PRAG1: variants seen among roughly 807,000 people sequenced by gnomAD.
PRAG1 encodes PEAK1 related, kinase-activating pseudokinase 1, also known as inactive tyrosine-protein kinase PRAG1.
A neutral mutation model predicts 95.6 loss-of-function variants in PRAG1; 110 were observed. That is an observed-to-expected ratio of 1.15 (90% CI 0.99 to 1.35). The LOEUF is 1.35. Ranked by LOEUF, PRAG1 falls within the 40% of genes most tolerant of loss-of-function variation. PRAG1 has a pLI of 0.00. For synonymous variants in PRAG1, 1,052 were observed against 819.4 expected (o/e 1.28, Z -4.85); for missense variants, 2,554 against 1,864.7 (o/e 1.37, Z -6.81).
chr8:8,383,337 G>A (rs531467812), intron 1 of PRAG1, among the ~76,000 whole-genome samples: 7 of 152,300 alleles, frequency 4.6e-5, no homozygotes, highest in East Asian at 1.9e-4. Context: ...TTGGGAGGCC[G>A]AGGCAGGACG....
At chr8:8,352,434 G>T (rs958289781) in intron 3 of PRAG1, among the ~76,000 whole-genome samples, 10 of 152,210 alleles carry the variant, frequency 6.6e-5, no homozygotes, top group Non-Finnish European at 1.5e-4. Flanking sequence ...TGGGGCCACA[G>T]TTAATTCATA....
At chr8:8,355,269 T>C (rs1799647044) in intron 3 of PRAG1, among the ~76,000 whole-genome samples, 1 of 152,140 alleles carries the variant, frequency 6.6e-6, no homozygotes, top group Non-Finnish European at 1.5e-5. Flanking sequence ...GAAGAGGACA[T>C]AATTAAATGC....
intron 5 of PRAG1, among the ~76,000 whole-genome samples, chr8:8,324,045 T>C (rs1262730231): frequency 2.0e-5 from 3 of 152,166 alleles, no homozygotes; most frequent in Non-Finnish European, 4.4e-5. Flanking sequence ...GAGGATCAGA[T>C]GAAATGATGC....
chr8:8,356,078 C>T (rs1439471419), intron 3 of PRAG1, among the ~76,000 whole-genome samples: 5 of 152,106 alleles, frequency 3.3e-5, no homozygotes, highest in African/African-American at 1.2e-4. Flanking sequence ...AACTCAATAG[C>T]AGAGCAATAA....
chr8:8,340,699 T>G (rs1428717951), intron 3 of PRAG1, among the ~76,000 whole-genome samples: 1 of 152,264 alleles, frequency 6.6e-6, no homozygotes, highest in Non-Finnish European at 1.5e-5. Context: ...TGTTTTAATT[T>G]TCATAGTCAC....
At chr8:8,351,985 G>C (rs1290690860) in intron 3 of PRAG1, among the ~76,000 whole-genome samples, 1 of 152,104 alleles carries the variant, frequency 6.6e-6, no homozygotes, top group Non-Finnish European at 1.5e-5. Context: ...GATCACCTGT[G>C]CCTGACCAGA....
intron 4 of PRAG1, among the ~76,000 whole-genome samples, chr8:8,331,580 A>G (rs1798818367): frequency 6.6e-6 from 1 of 152,132 alleles, no homozygotes; most frequent in Non-Finnish European, 1.5e-5. Context: ...TCTTCCTTCT[A>G]TGTCTAGTTC....
rs536299517 is a variant in PRAG1 at position 8,332,458 on chromosome 8, C to G, written c.2321-3997G>C. Among the ~76,000 whole-genome samples the G allele has an allele frequency of 1.1e-4, 16 of 152,168 alleles. No homozygotes were observed. In the South Asian group the frequency reaches 2.9e-3, roughly 28 times the overall value. ...GGATTCCAGGTGTGAGCTACTGTGC[C>G]CGGTCTATTATGATTTTTGTATTCA... On this transcript the variant is annotated intron_variant, in intron 4 of 5. Coordinates refer to ENST00000615670, the MANE Select transcript of PRAG1 (RefSeq NM_001080826.3).
chr8:8,351,801 C>G (rs1489082213), intron 3 of PRAG1, among the ~76,000 whole-genome samples: 2 of 152,116 alleles, frequency 1.3e-5, no homozygotes, highest in Non-Finnish European at 2.9e-5. Context: ...AAAGAATCTC[C>G]CATGAGTACC....
In PRAG1 at chr8:8,377,856, C is replaced by G; in HGVS notation, c.553G>C (p.Glu185Gln). The change falls in exon 3 of 6, where the codon GAG (glutamate) becomes CAG (glutamine). Residue 185 changes from glutamate to glutamine, a missense_variant. Transcript: ENST00000615670. Reference sequence around the variant, plus strand: ...GGTTTTTCTTTGTGCACAGCCTTCTCCTCCGGGAAGCTCACCGGGTGGAAG... The same window carrying G: ...GGTTTTTCTTTGTGCACAGCCTTCTGCTCCGGGAAGCTCACCGGGTGGAAG... ...IAFHPVSFPE[E>Q]KAVHKEKPSF... 3.7e-6 allele frequency: 6 copies of G among 1,614,158 alleles called. No individual in the cohort carries two copies. The highest frequency in any genetic ancestry group is 5.1e-6 in the Non-Finnish European group (6 of 1,180,040).
At chr8:8,368,195 A>C (rs1214038663) in intron 3 of PRAG1, among the ~76,000 whole-genome samples, 1 of 152,256 alleles carries the variant, frequency 6.6e-6, no homozygotes, top group East Asian at 1.9e-4. Flanking sequence ...AAAATATCTG[A>C]GAACAAAAAT....
rs534360663 is a variant in PRAG1 at position 8,322,147 on chromosome 8, G to A, written c.3073-2845C>T. Among the ~76,000 whole-genome samples the A allele has an allele frequency of 5.9e-5, 9 of 152,136 alleles. No individual in the cohort carries two copies. In the South Asian group the frequency reaches 1.0e-3, roughly 18 times the overall value. On this transcript the variant is annotated intron_variant, in intron 5 of 5. Transcript: ENST00000615670. ...AGACAGCACTTCAGCCCTATGCTTC[G>A]GCCATTTTATTTTATATATATAGTT... is the stretch of plus-strand genomic sequence containing the variant.
intron 3 of PRAG1, among the ~76,000 whole-genome samples, chr8:8,360,865 G>C (rs996857339): frequency 6.6e-6 from 1 of 152,048 alleles, no homozygotes; most frequent in African/African-American, 2.4e-5. Flanking sequence ...TCAGTGGGTG[G>C]CATTATTTTT....
At chr8:8,354,298 A>C (rs1164597432) in intron 3 of PRAG1, among the ~76,000 whole-genome samples, 3 of 152,122 alleles carry the variant, frequency 2.0e-5, no homozygotes, top group Non-Finnish European at 4.4e-5. Context: ...CAACGAAGAA[A>C]ACCCCAGGAC....
chr8:8,328,032 G>A lies in PRAG1; in HGVS notation c.2750C>T (p.Ser917Phe), dbSNP rs748733763. ...SPGLQCKGAP[S>F]ASSSQLSVSS... ...CACGCTCAGCTGGGAGGATGAGGCG[G>A]AGGGGGCCCCTTTGCACTGGAGGCC... is the stretch of plus-strand genomic sequence containing the variant. The change falls in exon 5 of 6, where the codon TCC (serine) becomes TTC (phenylalanine). Residue 917 changes from serine to phenylalanine, a missense_variant. Transcript: ENST00000615670. The A allele has an allele frequency of 6.3e-7, 1 of 1,584,440 alleles. No homozygotes were observed. The highest frequency in any genetic ancestry group is 1.3e-5 in the African/African-American group (1 of 74,200).
intron 3 of PRAG1, among the ~76,000 whole-genome samples, chr8:8,354,175 T>C (rs539215723): frequency 6.6e-6 from 1 of 152,082 alleles, no homozygotes; most frequent in South Asian, 2.1e-4. Context: ...ACAAATTGGA[T>C]GACAGAGAGA....
chr8:8,384,469 C>T (rs991032216), intron 1 of PRAG1, among the ~76,000 whole-genome samples: 7 of 151,826 alleles, frequency 4.6e-5, no homozygotes, highest in Non-Finnish European at 7.4e-5. Context: ...GACGGATGGA[C>T]GCAAAGATTT....
intron 3 of PRAG1, chr8:8,374,527 G>A (rs1800315595): frequency 2.2e-6 from 1 of 447,410 alleles, no homozygotes; most frequent in African/African-American, 2.1e-5. Context: ...TTTGTCATCT[G>A]TAAATTGGGG....
chr8:8,376,331 T>C lies in PRAG1; in HGVS notation c.2078A>G (p.Lys693Arg), dbSNP rs778839832. 3 of 1,614,184 alleles carry C rather than the reference T, an allele frequency of 1.9e-6. No individual in the cohort carries two copies. The highest frequency in any genetic ancestry group is 1.1e-5 in the South Asian group (1 of 91,080). ...QNSKVGTGMS[K>R]SASFAFEFPK... The stretch of plus-strand genomic sequence containing the variant: ...GAACTCAAAGGCAAAAGAGGCGGAT[T>C]TGCTCATCCCGGTCCCAACTTTGCT... Residue 693 changes from lysine (K) to arginine (R), a missense_variant, in exon 3 of 6, where the codon AAA becomes AGA. Physicochemically the swap from Lys to Arg is conservative, Grantham distance 26. Coordinates refer to ENST00000615670, the MANE Select transcript of PRAG1 (RefSeq NM_001080826.3).
Sources: allele counts gnomAD v4.1 joint callset (sites outside exome capture counted in the v4.1 genomes callset), GRCh38; gene constraint gnomAD v4.1.1; transcripts MANE v1.5; gene names NCBI Gene and HGNC (gene_info 2026-07-23, HGNC 2026-07-21).